Variants in CLEC17A observed in about 807,000 individuals in gnomAD.
CLEC17A encodes the protein C-type lectin domain containing 17A.
Under a neutral mutation model 61.3 loss-of-function variants are expected in CLEC17A, and 37 were observed. The ratio of observed to expected loss-of-function variants is 0.60; its 90% CI spans 0.46 to 0.79. The LOEUF (loss-of-function observed/expected upper bound fraction) is 0.79, where lower values mean the gene tolerates loss of function less well. Ranked by LOEUF, CLEC17A falls within the 30% of genes least tolerant of loss-of-function variation. CLEC17A has a pLI of 0.00. For synonymous variants in CLEC17A, 168 were observed against 164.9 expected, an observed-to-expected ratio of 1.02 and a Z score of -0.14; for missense variants, 418 against 464.7, an observed-to-expected ratio of 0.90 and a Z score of 0.92.
chr19:14,601,099 C>T (rs2074703122), intron 12 of CLEC17A, among the ~76,000 whole-genome samples: 1 of 151,746 alleles, frequency 6.6e-6, no homozygotes, highest in Non-Finnish European at 1.5e-5. Context: ...GATGAGGTTT[C>T]TCCATGTTGG....
In CLEC17A at chr19:14,583,140, G is replaced by C; in HGVS notation, c.-21G>C. ...GGTTGCCAAGCCCTGGCTGCCACTT[G>C]TCAGGTTCCCTGTGCTAGACATGCA... On this transcript the variant is annotated 5_prime_UTR_variant, in exon 1 of 14. Coordinates refer to ENST00000417570, the MANE Select transcript of CLEC17A (RefSeq NM_001204118.2). 1 of 1,614,028 alleles carries C rather than the reference G, an allele frequency of 6.2e-7. No individual in the cohort carries two copies. The highest frequency in any genetic ancestry group is 8.5e-7 in the Non-Finnish European group (1 of 1,179,884).
At chr19:14,609,765 G>C (rs2075000521) in intron 13 of CLEC17A, among the ~76,000 whole-genome samples, 1 of 151,910 alleles carries the variant, frequency 6.6e-6, no homozygotes, top group Non-Finnish European at 1.5e-5. Flanking sequence ...TTGAACCCAG[G>C]AGACAGAGGT....
chr19:14,601,435 G>C, intron 12 of CLEC17A, among the ~76,000 whole-genome samples: 1 of 152,120 alleles, frequency 6.6e-6, no homozygotes, highest in East Asian at 1.9e-4. Flanking sequence ...TACAATTTAG[G>C]TAGTATTACT....
At chr19:14,591,755 T>C (rs1307222193) in intron 3 of CLEC17A, among the ~76,000 whole-genome samples, 4 of 151,754 alleles carry the variant, frequency 2.6e-5, no homozygotes, top group African/African-American at 4.8e-5. Context: ...GGTTTCGCCA[T>C]GTTGGTTGCC....
intron 4 of CLEC17A, among the ~76,000 whole-genome samples, chr19:14,593,333 CAAAAAAA>C (rs57379897): frequency 2.3e-5 from 2 of 85,816 alleles, no homozygotes; most frequent in East Asian, 3.6e-4. Flanking sequence ...CCATCTCTAC[CAAAAAAA>C]AAAAAAAAAA....
chr19:14,585,791 C>T (rs2074267223), intron 2 of CLEC17A, among the ~76,000 whole-genome samples: 1 of 147,252 alleles, frequency 6.8e-6, no homozygotes, highest in Admixed American at 6.9e-5. Flanking sequence ...GCTAGAACTA[C>T]CCAGCTAAGC....
chr19:14,585,254 T>C (rs572422253), intron 2 of CLEC17A, among the ~76,000 whole-genome samples: 18 of 152,336 alleles, frequency 1.2e-4, no homozygotes, highest in African/African-American at 3.8e-4. Context: ...ACTGCAGCCT[T>C]GAGCTCCTGG....
At chr19:14,604,475 T>C (rs552370352) in intron 12 of CLEC17A, among the ~76,000 whole-genome samples, 5 of 152,186 alleles carry the variant, frequency 3.3e-5, no homozygotes, top group Non-Finnish European at 5.9e-5. Flanking sequence ...TTAAGAATGT[T>C]TAAAGTCGGC....
chr19:14,599,903 C>G, intron 11 of CLEC17A, 91 bp downstream of exon 11: 1 of 1,487,686 alleles, frequency 6.7e-7, no homozygotes. Flanking sequence ...TCAGTGCAGT[C>G]TATGTGAATG....
At position 14,594,741 on chromosome 19, in the gene CLEC17A, C is replaced by G. The variant is rs757111898; in HGVS notation, c.362-18C>G. The G allele has an allele frequency of 6.2e-7, 1 of 1,613,990 alleles. No individual in the cohort carries two copies. The highest frequency in any genetic ancestry group is 1.1e-5 in the South Asian group (1 of 91,076). On this transcript the variant is annotated intron_variant, in intron 6 of 13. Coordinates refer to ENST00000417570, the MANE Select transcript of CLEC17A (RefSeq NM_001204118.2). ...CTGGCTGAAGCCCTTCTTGAAATGA[C>G]TTTCTCATCTCTTCTAGGCCTGGAC...
Position 14,583,419 on chromosome 19 carries a change from C to T in CLEC17A, c.106C>T (p.Leu36Phe), listed in dbSNP as rs376824328. Residue 36 changes from leucine (L) to phenylalanine (F), a missense_variant, in exon 2 of 14, where the codon CTT becomes TTT. Coordinates refer to ENST00000417570, the MANE Select transcript of CLEC17A (RefSeq NM_001204118.2). ...YENSTPPYKDLPPKPGTMEEE... is the reference protein window; with the variant it reads ...YENSTPPYKDFPPKPGTMEEE... ...GAACTCAACACCTCCCTACAAGGAC[C>T]TTCCTCCCAAGCCAGGTAAGAGGAC... 1 of 1,612,502 alleles carries T rather than the reference C, an allele frequency of 6.2e-7. No individual in the cohort carries two copies. Among genetic ancestry groups the T allele is most frequent in the Non-Finnish European group, 8.5e-7 (1 of 1,179,246 alleles).
intron 13 of CLEC17A, among the ~76,000 whole-genome samples, chr19:14,607,405 G>T (rs370287142): frequency 6.6e-6 from 1 of 151,334 alleles, no homozygotes; most frequent in Non-Finnish European, 1.5e-5. Context: ...GGGTTTCACC[G>T]TGTTAGCCAG....
At chr19:14,606,945 G>A in intron 12 of CLEC17A, 48 bp from the exon 13 acceptor site, 2 of 1,043,832 alleles carry the variant, frequency 1.9e-6, no homozygotes, top group Non-Finnish European at 2.5e-6. Flanking sequence ...TCCTCACCCT[G>A]AGGGTCATGT....
At chr19:14,592,638 G>A (rs1184165275) in intron 4 of CLEC17A, among the ~76,000 whole-genome samples, 1 of 152,088 alleles carries the variant, frequency 6.6e-6, no homozygotes, top group East Asian at 1.9e-4. Flanking sequence ...TTTGGAGTGG[G>A]ACTTGAGGGA....
Position 14,592,329 on chromosome 19 carries a change from C to T in CLEC17A, c.248C>T (p.Pro83Leu), listed in dbSNP as rs754625408. 1.2e-6 allele frequency: 2 copies of T among 1,603,238 alleles called. No individual in the cohort carries two copies. The highest frequency in any genetic ancestry group is 1.7e-6 in the Non-Finnish European group (2 of 1,174,906). The change falls in exon 4 of 14, where the codon CCT (proline) becomes CTT (leucine). Residue 83 changes from proline to leucine, a missense_variant. Physicochemically the swap from Pro to Leu is moderately conservative, Grantham distance 98. Transcript: ENST00000417570. The stretch of plus-strand genomic sequence containing the variant: ...GATGATGACTATGAGAACTCAACAC[C>T]TCCCTACAAGGACCTTCCTCCCAAG... Reference protein sequence around the residue: ...EEDDDYENSTPPYKDLPPKPG... With the variant: ...EEDDDYENSTLPYKDLPPKPG...
intron 10 of CLEC17A, among the ~76,000 whole-genome samples, chr19:14,598,304 T>TTCTCTCTCTCTC (rs111468753): frequency 1.3e-5 from 2 of 149,114 alleles, no homozygotes; most frequent in African/African-American, 4.9e-5. Context: ...TGTTCTTTCT[T>TTCTCTCTCTCTC]TCTCTCTCTC....
intron 12 of CLEC17A, among the ~76,000 whole-genome samples, chr19:14,600,881 G>A (rs1175837498): frequency 8.0e-5 from 11 of 137,400 alleles, no homozygotes; most frequent in African/African-American, 2.7e-4. Context: ...GAGCCACCAC[G>A]CTCGGCCTTC....
At chr19:14,597,784 TG>T (rs1487455937) in intron 10 of CLEC17A, among the ~76,000 whole-genome samples, 1 of 151,710 alleles carries the variant, frequency 6.6e-6, no homozygotes, top group African/African-American at 2.4e-5. Context: ...ATTTTTTTTT[TG>T]TATAGAAGAG....
intron 2 of CLEC17A, chr19:14,584,432 G>T (rs1379384941): frequency 6.6e-6 from 1 of 152,090 alleles, no homozygotes; most frequent in Non-Finnish European, 1.5e-5. Context: ...GGTTTTTGAG[G>T]TATTCCTGAG....
Sources: gnomAD v4.1 joint callset for allele counts (sites outside exome capture counted in the v4.1 genomes callset) on GRCh38, gnomAD v4.1.1 for gene constraint, MANE v1.5 for transcripts, NCBI Gene and HGNC (gene_info 2026-07-23, HGNC 2026-07-21) for gene names.